CCDC91: variants seen among roughly 807,000 people sequenced by gnomAD.
CCDC91 encodes the protein coiled-coil domain-containing protein 91.
A neutral mutation model predicts 63.2 loss-of-function variants in CCDC91; 48 were observed. The observed-to-expected ratio is 0.76, with a 90% CI of 0.60 to 0.97. The LOEUF is 0.97. CCDC91 is among the 50% of genes least tolerant of loss of function. The probability of loss-of-function intolerance (pLI) is 0.00; values close to 1 mark genes in which losing one functional copy is unlikely to be tolerated. For missense variants in CCDC91, 500 were observed against 494.6 expected (o/e 1.01, Z -0.10); for synonymous variants, 167 against 165.8 (o/e 1.01, Z -0.06).
intron 1 of CCDC91, among the ~76,000 whole-genome samples, chr12:28,233,883 GCT>G (rs1009458343): frequency 6.6e-6 from 1 of 151,786 alleles, no homozygotes; most frequent in African/African-American, 2.4e-5. Context: ...AATATGTATT[GCT>G]TAACTCTTGG....
rs954813364 is a variant in CCDC91 at position 28,259,577 on chromosome 12, C to G, written c.109+135C>G. 5 of 590,286 alleles carry G rather than the reference C, an allele frequency of 8.5e-6. No homozygotes were observed. The African/African-American group carries it at 9.5e-5, about 11-fold the overall frequency. The allele number at this position is 590,286 out of a possible 1,614,324, so 36.6% of individuals were successfully genotyped here. On this transcript the variant is annotated intron_variant, in intron 3 of 12. Coordinates refer to ENST00000536442, the MANE Select transcript of CCDC91 (RefSeq NM_018318.5). ...TGAAAAATGGAGTGATCCAGATTTA[C>G]TCTTTAGGTTTTTAAAATAACAAAT...
intron 1 of CCDC91, among the ~76,000 whole-genome samples, chr12:28,235,198 C>T (rs1326951100): frequency 6.6e-6 from 1 of 152,114 alleles, no homozygotes; most frequent in Non-Finnish European, 1.5e-5. Context: ...GCACATATCT[C>T]ACCCATGCTA....
At chr12:28,281,197 T>G (rs1177429046) in intron 3 of CCDC91, among the ~76,000 whole-genome samples, 1 of 152,186 alleles carries the variant, frequency 6.6e-6, no homozygotes, top group African/African-American at 2.4e-5. Context: ...AGGAAAGATT[T>G]CAGTATCATT....
rs375521997 is a variant in CCDC91, at chr12:28,439,344, CATTTT to C, written c.763-10810_763-10806del. The stretch of plus-strand genomic sequence containing the variant: ...ATAAATGGGTGAAATGTCCGTGAAT[CATTTT>C]ATTTTAAGAAGTTTATTAAATTTAT... On this transcript the variant is annotated intron_variant, in intron 8 of 12. Coordinates refer to ENST00000536442, the MANE Select transcript of CCDC91 (RefSeq NM_018318.5). Among the ~76,000 whole-genome samples, 662 of 152,184 alleles carry C rather than the reference CATTTT, an allele frequency of 4.3e-3. 6 individuals are homozygous for C. The highest frequency in any genetic ancestry group is 0.015 in the African/African-American group (622 of 41,528).
rs546568680 is a variant in CCDC91, at chr12:28,263,437, A to G, written c.109+3995A>G. Among the ~76,000 whole-genome samples the G allele has an allele frequency of 5.3e-5, 8 of 152,102 alleles. No homozygotes were observed. In the South Asian group the frequency reaches 1.7e-3, roughly 32 times the overall value. ...TCTAGATACTTTATAAAGTAAAATC[A>G]TACAGTATTTGTCATTTTGTAACTG... On this transcript the variant is annotated intron_variant, in intron 3 of 12. Coordinates refer to ENST00000536442, the MANE Select transcript of CCDC91 (RefSeq NM_018318.5).
At chr12:28,232,600 A>G (rs1208584930) in intron 1 of CCDC91, among the ~76,000 whole-genome samples, 3 of 152,170 alleles carry the variant, frequency 2.0e-5, no homozygotes, top group Non-Finnish European at 4.4e-5. Flanking sequence ...GAATTAGACA[A>G]TAGAAAAACA....
intron 3 of CCDC91, among the ~76,000 whole-genome samples, chr12:28,301,278 T>C (rs1287097408): frequency 6.6e-6 from 1 of 151,624 alleles, no homozygotes. Context: ...TTAACTGAAA[T>C]GGGTGTTCAG....
At chr12:28,270,123 TG>T (rs200728722) in intron 3 of CCDC91, among the ~76,000 whole-genome samples, 2,639 of 152,184 alleles carry the variant, frequency 0.017, 47 homozygotes, top group South Asian at 0.099. Context: ...CTTCTAGATT[TG>T]TTTTTTTTGG....
chr12:28,444,795 T>C (rs1395255127), intron 8 of CCDC91, among the ~76,000 whole-genome samples: 1 of 152,174 alleles, frequency 6.6e-6, no homozygotes, highest in Admixed American at 6.5e-5. Context: ...AGTTCAACTA[T>C]GTAACAAACC....
At chr12:28,277,570 G>T (rs1276673122) in intron 3 of CCDC91, among the ~76,000 whole-genome samples, 1 of 151,986 alleles carries the variant, frequency 6.6e-6, no homozygotes, top group Non-Finnish European at 1.5e-5. Flanking sequence ...TCAAATTTGG[G>T]ATGGTAAATA....
At chr12:28,353,581 T>C (rs1301042931) in intron 6 of CCDC91, among the ~76,000 whole-genome samples, 1 of 152,188 alleles carries the variant, frequency 6.6e-6, no homozygotes, top group Non-Finnish European at 1.5e-5. Flanking sequence ...GACTTCAATA[T>C]TACTGTGTCT....
chr12:28,263,181 G>A (rs527606766), intron 3 of CCDC91, among the ~76,000 whole-genome samples: 78 of 151,946 alleles, frequency 5.1e-4, no homozygotes, highest in Admixed American at 4.6e-4. Flanking sequence ...TGAGTTTACC[G>A]TTCTTTTACT....
intron 6 of CCDC91, among the ~76,000 whole-genome samples, chr12:28,331,148 A>G (rs1941472573): frequency 6.6e-6 from 1 of 152,234 alleles, no homozygotes; most frequent in Non-Finnish European, 1.5e-5. Flanking sequence ...ATTCTGAGGC[A>G]AAGACTCATT....
At chr12:28,341,874 T>C (rs1321544475) in intron 6 of CCDC91, among the ~76,000 whole-genome samples, 2 of 152,172 alleles carry the variant, frequency 1.3e-5, no homozygotes, top group African/African-American at 4.8e-5. Context: ...TTATCTAAAA[T>C]CAGGACTAAG....
intron 1 of CCDC91, among the ~76,000 whole-genome samples, chr12:28,238,886 A>G (rs1271104673): frequency 1.3e-5 from 2 of 152,036 alleles, no homozygotes; most frequent in Non-Finnish European, 2.9e-5. Flanking sequence ...TTGGGAGGTC[A>G]AGATGGGCAG....
rs371343294 is a variant in CCDC91, at chr12:28,382,824, T to C, written c.655-8480T>C. Among the ~76,000 whole-genome samples, 4 of 152,128 alleles carry C rather than the reference T, an allele frequency of 2.6e-5. No homozygotes were observed. In the East Asian group the frequency reaches 5.8e-4, roughly 22 times the overall value. ...ATTAATAACTAGGTGCTCTACTTAA[T>C]TGTATGAATGATTATGAAGAGGTTA... is the stretch of plus-strand genomic sequence containing the variant. On this transcript the variant is annotated intron_variant, in intron 7 of 12. Coordinates refer to ENST00000536442, the MANE Select transcript of CCDC91 (RefSeq NM_018318.5).
intron 6 of CCDC91, among the ~76,000 whole-genome samples, chr12:28,334,376 C>T (rs1030097068): frequency 2.0e-5 from 3 of 152,086 alleles, no homozygotes; most frequent in African/African-American, 4.8e-5. Context: ...CTAATATGAG[C>T]TCTTTATATT....
intron 1 of CCDC91, among the ~76,000 whole-genome samples, chr12:28,192,982 G>A (rs1191928510): frequency 6.6e-6 from 1 of 152,120 alleles, no homozygotes; most frequent in Non-Finnish European, 1.5e-5. Flanking sequence ...GGTATGTTAT[G>A]TAAATGGAAT....
chr12:28,437,406 G>T (rs1247917621), intron 8 of CCDC91, among the ~76,000 whole-genome samples: 6 of 151,710 alleles, frequency 4.0e-5, no homozygotes, highest in Non-Finnish European at 8.8e-5. Context: ...TTATTCCTTT[G>T]TATTACATGA....
Sources: gnomAD v4.1 joint callset for allele counts (sites outside exome capture counted in the v4.1 genomes callset) on GRCh38, gnomAD v4.1.1 for gene constraint, MANE v1.5 for transcripts, NCBI Gene and HGNC (gene_info 2026-07-23, HGNC 2026-07-21) for gene names.